The following RIGI variants were observed in gnomAD, a reference collection of about 807,000 sequenced individuals.
The protein encoded by RIGI is RNA sensor RIG-I.
chr9:32,501,408 G>A, the RIGI span, among the ~76,000 whole-genome samples: 6 of 152,148 alleles, frequency 3.9e-5, no homozygotes, highest in East Asian at 9.7e-4. Flanking sequence ...TGGAGGCTGA[G>A]GTGGGAGGAT....
the RIGI span, among the ~76,000 whole-genome samples, chr9:32,521,849 A>G: frequency 2.6e-5 from 4 of 151,756 alleles, no homozygotes; most frequent in Non-Finnish European, 5.9e-5. Context: ...ATGCCAACAG[A>G]AAAAAAAATT....
chr9:32,478,886 T>C, the RIGI span, among the ~76,000 whole-genome samples: 1 of 152,162 alleles, frequency 6.6e-6, no homozygotes, highest in African/African-American at 2.4e-5. Context: ...TTTAGACTTA[T>C]GAACATGATC....
the RIGI span, among the ~76,000 whole-genome samples, chr9:32,518,570 A>G: frequency 6.6e-6 from 1 of 152,200 alleles, no homozygotes; most frequent in African/African-American, 2.4e-5. Context: ...AAAACCAGAT[A>G]GAATATTGGA....
At chr9:32,463,448 G>C in the RIGI span, among the ~76,000 whole-genome samples, 12 of 152,290 alleles carry the variant, frequency 7.9e-5, no homozygotes, top group Non-Finnish European at 1.6e-4. Context: ...AGGAAAGAAG[G>C]TGAAAATATA....
the RIGI span, among the ~76,000 whole-genome samples, chr9:32,512,413 CAT>C: frequency 6.6e-6 from 1 of 152,182 alleles, no homozygotes; most frequent in Non-Finnish European, 1.5e-5. Flanking sequence ...GCTGGTTCAA[CAT>C]ATACAAATCA....
At chr9:32,488,027 GT>G in the RIGI span, 2 of 1,614,008 alleles carry the variant, frequency 1.2e-6, no homozygotes, top group Non-Finnish European at 1.7e-6. Context: ...TTGTTTACTA[GT>G]GTTGTGGCAT....
chr9:32,513,105 C>T, the RIGI span, among the ~76,000 whole-genome samples: 84,172 of 150,434 alleles, frequency 0.56, 24,078 homozygotes, highest in Middle Eastern at 0.68. Flanking sequence ...TCCATGCTCA[C>T]GGGTAGGAAG....
chr9:32,460,104 T>C, the RIGI span, among the ~76,000 whole-genome samples: 1 of 152,228 alleles, frequency 6.6e-6, no homozygotes, highest in Non-Finnish European at 1.5e-5. Context: ...CAAGACCTGA[T>C]GGGTTTATCA....
the RIGI span, chr9:32,491,473 T>C: frequency 4.8e-6 from 7 of 1,454,728 alleles, no homozygotes; most frequent in African/African-American, 8.6e-5. Context: ...ATTATAGTTT[T>C]GATGGTGAAA....
At chr9:32,495,264 C>A in the RIGI span, among the ~76,000 whole-genome samples, 1 of 150,906 alleles carries the variant, frequency 6.6e-6, no homozygotes, top group African/African-American at 2.4e-5. Flanking sequence ...TGCAGTGGCA[C>A]GATCTCGGCT....
the RIGI span, among the ~76,000 whole-genome samples, chr9:32,478,576 T>C: frequency 6.6e-6 from 1 of 152,202 alleles, no homozygotes; most frequent in Middle Eastern, 3.4e-3. Flanking sequence ...GACTGATTGA[T>C]TGAGATAAGG....
chr9:32,455,842 A>G, the RIGI span: 1 of 152,190 alleles, frequency 6.6e-6, no homozygotes, highest in African/African-American at 2.4e-5. Flanking sequence ...ACAGTTCAGT[A>G]TTATCCTTGT....
the RIGI span, chr9:32,501,047 C>T: frequency 2.2e-6 from 3 of 1,337,722 alleles, no homozygotes; most frequent in Non-Finnish European, 3.1e-6. Flanking sequence ...AGGAATTGTA[C>T]CAAGTCACAG....
chr9:32,522,641 A>T, the RIGI span, among the ~76,000 whole-genome samples: 50 of 152,314 alleles, frequency 3.3e-4, no homozygotes, highest in African/African-American at 1.1e-3. Context: ...GAAGCGGGGA[A>T]CAGTAATGAT....
At chr9:32,524,596 G>GTTTTTT in the RIGI span, among the ~76,000 whole-genome samples, 796 of 67,546 alleles carry the variant, frequency 0.012, 95 homozygotes, top group African/African-American at 0.036. Flanking sequence ...TTGTTTTTCG[G>GTTTTTT]TTTTTTTTTT....
At chr9:32,481,837 G>T in the RIGI span, among the ~76,000 whole-genome samples, 1 of 152,054 alleles carries the variant, frequency 6.6e-6, no homozygotes, top group African/African-American at 2.4e-5. Context: ...CGCCTGCCTC[G>T]GTCTCCCAAA....
chr9:32,480,249 T>C, the RIGI span: 1 of 1,608,742 alleles, frequency 6.2e-7, no homozygotes, highest in Non-Finnish European at 8.5e-7. Flanking sequence ...TCTTGCTCAA[T>C]CTCATCGAAT....
At chr9:32,459,166 A>G in the RIGI span, among the ~76,000 whole-genome samples, 6 of 152,286 alleles carry the variant, frequency 3.9e-5, no homozygotes, top group East Asian at 1.9e-4. Context: ...GATTACAGGC[A>G]TGAGCCACTA....
At chr9:32,524,869 G>A in the RIGI span, among the ~76,000 whole-genome samples, 4 of 152,032 alleles carry the variant, frequency 2.6e-5, no homozygotes, top group African/African-American at 7.2e-5. Context: ...CCAAAGTGCT[G>A]GCTGCAGGGA....
Sources: allele counts gnomAD v4.1 joint callset (sites outside exome capture counted in the v4.1 genomes callset), GRCh38; gene constraint gnomAD v4.1.1; transcripts MANE v1.5; gene names NCBI Gene and HGNC (gene_info 2026-07-23, HGNC 2026-07-21).